HECTD4: variants seen among roughly 807,000 people sequenced by gnomAD.
HECTD4 encodes the protein HECT domain E3 ubiquitin protein ligase 4.
In HECTD4, 114 loss-of-function variants were observed where a neutral mutation model predicts 471.5. The observed-to-expected ratio is 0.24, with a 90% CI of 0.21 to 0.28. The LOEUF (loss-of-function observed/expected upper bound fraction) is 0.28. Ranked by LOEUF, HECTD4 falls within the 10% of genes least tolerant of loss-of-function variation. The pLI is 1.00. For synonymous variants in HECTD4, 2,012 were observed against 2,256.0 expected (o/e 0.89, Z 3.07); for missense variants, 3,866 against 5,651.5 (o/e 0.68, Z 10.13).
chr12:112,356,972 T>C (rs1452572790), intron 1 of HECTD4, among the ~76,000 whole-genome samples: 2 of 152,220 alleles, frequency 1.3e-5, no homozygotes, highest in Non-Finnish European at 2.9e-5. Flanking sequence ...AACAGACAGT[T>C]CGTGGTATGT....
intron 55 of HECTD4, among the ~76,000 whole-genome samples, chr12:112,198,523 T>C (rs913903133): frequency 6.6e-6 from 1 of 152,128 alleles, no homozygotes; most frequent in East Asian, 1.9e-4. Flanking sequence ...AGAGGAGAGT[T>C]GAGGCCTGGG....
Position 112,250,267 on chromosome 12 carries a change from T to A in HECTD4, c.3827A>T (p.Asp1276Val). The A allele has an allele frequency of 6.2e-7, 1 of 1,613,924 alleles. No homozygotes were observed. Among genetic ancestry groups the A allele is most frequent in the Non-Finnish European group, 8.5e-7 (1 of 1,179,850 alleles). Residue 1276 changes from aspartate (D) to valine (V), a missense_variant, in exon 25 of 76, where the codon GAT becomes GTT. Asp to Val is a radical substitution (Grantham distance 152). This residue lies in a region of HECTD4 where 281 missense variants were observed against 499.9 expected (regional missense o/e 0.56). Transcript: ENST00000682272. ...EEDREFTYPS[D>V]VLVPPVGNYF... ...GTTTCCAACAGGAGGCACGAGGACA[T>A]CAGAGGGGTAGGTGAATTCTCTGTC...
Position 112,162,295 on chromosome 12 carries a change from G to T in HECTD4, c.*92C>A, listed in dbSNP as rs951827613. 3 of 1,473,874 alleles carry T rather than the reference G, an allele frequency of 2.0e-6. No individual in the cohort carries two copies. The East Asian group carries it at 6.8e-5, about 34-fold the overall frequency. The allele number at this position is 1,473,874 out of a possible 1,614,324, so 91.3% of individuals were successfully genotyped here. The stretch of plus-strand genomic sequence containing the variant: ...AAGCAAAATGTTGCCAACTCCTCAC[G>T]CAGGGCCCTGGAGGGACGGGCCGCA... On this transcript the variant is annotated 3_prime_UTR_variant, in exon 76 of 76. Coordinates refer to ENST00000682272, the MANE Select transcript of HECTD4 (RefSeq NM_001388303.1). The surrounding 1 kb of genome is among the most constrained non-coding windows in gnomAD (Gnocchi z 5.2).
At chr12:112,217,503 A>T (rs1413213872) in intron 45 of HECTD4, among the ~76,000 whole-genome samples, 1 of 152,022 alleles carries the variant, frequency 6.6e-6, no homozygotes, top group African/African-American at 2.4e-5. Context: ...ACAGGTGTGC[A>T]TCACCACACC....
At chr12:112,318,346 T>G (rs959274433) in intron 2 of HECTD4, among the ~76,000 whole-genome samples, 1 of 151,952 alleles carries the variant, frequency 6.6e-6, no homozygotes, top group African/African-American at 2.4e-5. Flanking sequence ...TGATAGTGGG[T>G]TGATGACTTG....
chr12:112,233,166 C>T, intron 37 of HECTD4, 81 bp from the exon 38 acceptor site: 1 of 868,338 alleles, frequency 1.2e-6, no homozygotes, highest in Non-Finnish European at 1.8e-6. Flanking sequence ...GTCACCCAGT[C>T]ATGGTGAGGC....
chr12:112,254,777 A>G (rs886927863), intron 21 of HECTD4, among the ~76,000 whole-genome samples: 12 of 152,220 alleles, frequency 7.9e-5, no homozygotes, highest in Admixed American at 7.9e-4. Flanking sequence ...GTCAGTTTTC[A>G]TGTATCAATA....
chr12:112,354,516 GTC>G (rs2036298492), intron 1 of HECTD4, among the ~76,000 whole-genome samples: 1 of 152,058 alleles, frequency 6.6e-6, no homozygotes, highest in South Asian at 2.1e-4. Flanking sequence ...GTGAAACCTC[GTC>G]TCTACAGAAG....
At chr12:112,187,396 T>C (rs1333579680) in intron 60 of HECTD4, among the ~76,000 whole-genome samples, 1 of 152,094 alleles carries the variant, frequency 6.6e-6, no homozygotes, top group Non-Finnish European at 1.5e-5. Flanking sequence ...TATGAATGGA[T>C]GGATAGATGG....
At chr12:112,340,735 T>C (rs1181690530) in intron 1 of HECTD4, among the ~76,000 whole-genome samples, 1 of 152,102 alleles carries the variant, frequency 6.6e-6, no homozygotes, top group Admixed American at 6.6e-5. Flanking sequence ...CAATACCATC[T>C]CTCATAAAAG....
chr12:112,245,498 T>C (rs2033741456), intron 29 of HECTD4, among the ~76,000 whole-genome samples: 1 of 152,182 alleles, frequency 6.6e-6, no homozygotes, highest in Non-Finnish European at 1.5e-5. Context: ...TGGCATGTGA[T>C]TGTACCACAC....
In HECTD4 at chr12:112,163,652, G is replaced by C; in HGVS notation, c.12787C>G (p.Arg4263Gly). ...LQNVECVTAV[R>G]AGLGSIIPLQ... ...GGGATGATGGAGCCCAGGCCGGCCC[G>C]CACGGCCGTCACGCACTCCACATTC... is the stretch of plus-strand genomic sequence containing the variant. The change falls in exon 74 of 76, where the codon CGG (arginine) becomes GGG (glycine). Residue 4263 changes from arginine to glycine, a missense_variant. Arg to Gly is a moderately radical substitution (Grantham distance 125). Around this residue, in one of 16 missense-constraint regions of HECTD4, gnomAD observed 715 missense variants for 1,087.6 expected, o/e 0.66. Transcript: ENST00000682272. The surrounding 1 kb of genome is among the most constrained non-coding windows in gnomAD (Gnocchi z 8.2). The C allele has an allele frequency of 6.5e-7, 1 of 1,539,904 alleles. No individual in the cohort carries two copies. Among genetic ancestry groups the C allele is most frequent in the Non-Finnish European group, 8.8e-7 (1 of 1,142,686 alleles).
intron 1 of HECTD4, among the ~76,000 whole-genome samples, chr12:112,343,642 A>G (rs945643600): frequency 1.3e-5 from 2 of 152,094 alleles, no homozygotes; most frequent in African/African-American, 2.4e-5. Context: ...ATGATGGTAC[A>G]AGCCTGTAGT....
intron 15 of HECTD4, among the ~76,000 whole-genome samples, chr12:112,265,571 T>C (rs1247367282): frequency 2.0e-5 from 3 of 152,176 alleles, no homozygotes; most frequent in African/African-American, 7.2e-5. Flanking sequence ...TACTCAGCCT[T>C]TCTCATAAAC....
At chr12:112,210,597 C>T (rs1031611979) in intron 49 of HECTD4, among the ~76,000 whole-genome samples, 3 of 152,222 alleles carry the variant, frequency 2.0e-5, no homozygotes, top group African/African-American at 7.2e-5. Flanking sequence ...TTCTTTTGTC[C>T]AACTTTGCCT....
chr12:112,218,779 G>A (rs1427643880), intron 45 of HECTD4, among the ~76,000 whole-genome samples: 3 of 151,932 alleles, frequency 2.0e-5, no homozygotes, highest in Non-Finnish European at 4.4e-5. Flanking sequence ...CTGTCACCCA[G>A]GCTGGAGTGC....
At chr12:112,274,771 G>T in intron 10 of HECTD4, 76 bp downstream of exon 10, 6 of 849,608 alleles carry the variant, frequency 7.1e-6, no homozygotes, top group South Asian at 1.5e-5. Flanking sequence ...ATGCCACAGG[G>T]AACTGGCAAG....
In HECTD4 at chr12:112,209,898, G is replaced by A. The variant is rs564505644; in HGVS notation, c.7867+117C>T. 45 of 823,180 alleles carry A rather than the reference G, an allele frequency of 5.5e-5. No homozygotes were observed. In the South Asian group the frequency reaches 5.7e-4, roughly 11 times the overall value. 51.0% of individuals were successfully genotyped at this position (823,180 alleles called of 1,614,324 possible). A position where few individuals can be genotyped will look rare whatever the true frequency, so the allele number is the denominator to read the frequency against. On this transcript the variant is annotated intron_variant, in intron 50 of 75. Transcript: ENST00000682272. ...CTGTGACCCCATTACCAATGGGCACGTGAGTTTGCAACTCCTGATTGTAAT... is the reference window on the plus strand; with the variant it reads ...CTGTGACCCCATTACCAATGGGCACATGAGTTTGCAACTCCTGATTGTAAT...
At chr12:112,324,217 G>C (rs1049706279) in intron 1 of HECTD4, among the ~76,000 whole-genome samples, 2 of 149,546 alleles carry the variant, frequency 1.3e-5, no homozygotes, top group Non-Finnish European at 3.0e-5. Flanking sequence ...CCAGGCTCAG[G>C]TGGTCAATCA....
Sources: gnomAD v4.1 joint callset for allele counts (sites outside exome capture counted in the v4.1 genomes callset) on GRCh38, gnomAD v4.1.1 for gene constraint, gnomAD v4.1.1 regional missense constraint, Gnocchi (gnomAD v3.1) non-coding constraint, MANE v1.5 for transcripts, NCBI Gene and HGNC (gene_info 2026-07-23, HGNC 2026-07-21) for gene names.